Variants in TRAIP observed in about 807,000 individuals in gnomAD.
TRAIP encodes E3 ubiquitin-protein ligase TRAIP.
A neutral mutation model predicts 65.0 loss-of-function variants in TRAIP; 37 were observed. The ratio of observed to expected loss-of-function variants is 0.57; its 90% confidence interval spans 0.44 to 0.75. The LOEUF (loss-of-function observed/expected upper bound fraction) is 0.75, where lower values mean the gene tolerates loss of function less well. Among genes scored for constraint, TRAIP ranks in the 30% least tolerant of loss-of-function variants. TRAIP has a pLI of 0.00. For missense variants in TRAIP, 481 were observed against 579.4 expected (o/e 0.83, Z 1.74); for synonymous variants, 187 against 219.1 (o/e 0.85, Z 1.29).
At chr3:49,840,161 G>A in intron 9 of TRAIP, 123 bp downstream of exon 9, 1 of 902,356 alleles carries the variant, frequency 1.1e-6, no homozygotes, top group Non-Finnish European at 1.7e-6. Context: ...TGACCCAGGA[G>A]GATGCAGGGG....
chr3:49,852,473 C>T (rs900060023), intron 1 of TRAIP, among the ~76,000 whole-genome samples: 23 of 143,240 alleles, frequency 1.6e-4, no homozygotes, highest in African/African-American at 3.9e-4. Context: ...TTGCTCCACA[C>T]GGCCAGGCGC....
intron 1 of TRAIP, among the ~76,000 whole-genome samples, chr3:49,849,799 C>G (rs1290783376): frequency 6.6e-6 from 1 of 151,292 alleles, no homozygotes. Flanking sequence ...TACCATCATC[C>G]TGGCCTCAAA....
chr3:49,841,393 T>C lies in TRAIP; in HGVS notation c.618-321A>G, dbSNP rs141567854. On this transcript the variant is annotated intron_variant, in intron 7 of 14. Coordinates refer to ENST00000331456, the MANE Select transcript of TRAIP (RefSeq NM_005879.3). ...GGACCCTCTATGCCTCTCAGCTAAG[T>C]GGCCCTCCACCCTTCCTGCCAACCT... is the stretch of plus-strand genomic sequence containing the variant. Among the ~76,000 whole-genome samples the C allele has an allele frequency of 3.5e-4, 54 of 152,326 alleles. No individual in the cohort carries two copies. In the East Asian group the frequency reaches 9.3e-3, roughly 26 times the overall value.
chr3:49,853,763 C>T (rs1007843359), intron 1 of TRAIP, among the ~76,000 whole-genome samples: 5 of 152,116 alleles, frequency 3.3e-5, no homozygotes, highest in Admixed American at 6.5e-5. Flanking sequence ...AGGAGAATCA[C>T]GTGAACCCAA....
Position 49,856,493 on chromosome 3 carries a change from G to A in TRAIP, c.-40C>T. On this transcript the variant is annotated 5_prime_UTR_variant, in exon 1 of 15. Transcript: ENST00000331456. ...AGGGGCCCAGGCAGCCAAAGAAACT[G>A]CTACAGGTCCGGCTTCGTAGACGCG... 1 of 1,578,690 alleles carries A rather than the reference G, an allele frequency of 6.3e-7. No homozygotes were observed. The highest frequency in any genetic ancestry group is 8.7e-7 in the Non-Finnish European group (1 of 1,153,856).
At chr3:49,851,180 C>T (rs2081927666) in intron 1 of TRAIP, among the ~76,000 whole-genome samples, 1 of 152,054 alleles carries the variant, frequency 6.6e-6, no homozygotes, top group African/African-American at 2.4e-5. Context: ...CATCATGTTG[C>T]TCAGGCTGTT....
intron 5 of TRAIP, 153 bp downstream of exon 5, chr3:49,843,648 G>A: frequency 9.7e-7 from 1 of 1,027,310 alleles, no homozygotes; most frequent in Non-Finnish European, 1.4e-6. Context: ...AGTATGGAAG[G>A]GCAAGGGGAA....
chr3:49,854,352 A>G (rs190021894), intron 1 of TRAIP, among the ~76,000 whole-genome samples: 1 of 152,338 alleles, frequency 6.6e-6, no homozygotes, highest in Admixed American at 6.5e-5. Context: ...AAAAAATACC[A>G]CACATACACA....
At chr3:49,836,004 C>T (rs1156893708) in intron 10 of TRAIP, among the ~76,000 whole-genome samples, 1 of 151,190 alleles carries the variant, frequency 6.6e-6, no homozygotes, top group Non-Finnish European at 1.5e-5. Context: ...GCTCTGTCAT[C>T]CAGGCTGGAG....
chr3:49,831,903 G>T lies in TRAIP; in HGVS notation c.1037+13C>A. 1 of 1,549,614 alleles carries T rather than the reference G, an allele frequency of 6.5e-7. No individual in the cohort carries two copies. Among genetic ancestry groups the T allele is most frequent in the South Asian group, 1.2e-5 (1 of 81,332 alleles). ...CTACCAGCCCATGGACAGTGCCAGC[G>T]ACTATCACTCACTGTGACTTCTCTA... On this transcript the variant is annotated intron_variant, in intron 11 of 14. Coordinates refer to ENST00000331456, the MANE Select transcript of TRAIP (RefSeq NM_005879.3).
At chr3:49,848,528 C>T (rs1294418141) in intron 1 of TRAIP, among the ~76,000 whole-genome samples, 2 of 152,156 alleles carry the variant, frequency 1.3e-5, no homozygotes, top group African/African-American at 2.4e-5. Flanking sequence ...ATAACACCCC[C>T]ATTTTAAGCT....
intron 10 of TRAIP, among the ~76,000 whole-genome samples, chr3:49,837,607 G>A (rs912012693): frequency 2.1e-4 from 32 of 151,988 alleles, no homozygotes; most frequent in African/African-American, 7.0e-4. Context: ...TGCTTGAGAC[G>A]GAGTCTCTCT....
At chr3:49,841,507 A>T (rs954732969) in intron 7 of TRAIP, among the ~76,000 whole-genome samples, 1 of 152,242 alleles carries the variant, frequency 6.6e-6, no homozygotes, top group Non-Finnish European at 1.5e-5. Flanking sequence ...CTACATATCA[A>T]TCACAATGGG....
chr3:49,844,675 A>C, intron 3 of TRAIP, 95 bp from the exon 4 acceptor site: 6 of 1,423,476 alleles, frequency 4.2e-6, no homozygotes, highest in Non-Finnish European at 5.9e-6. Context: ...AGGATTGAAC[A>C]ATGAGGCCTT....
Position 49,856,495 on chromosome 3 carries a change from T to C in TRAIP, c.-42A>G, listed in dbSNP as rs1195487430. Reference sequence around the variant, plus strand: ...GGGCCCAGGCAGCCAAAGAAACTGCTACAGGTCCGGCTTCGTAGACGCGCC... The same window carrying C: ...GGGCCCAGGCAGCCAAAGAAACTGCCACAGGTCCGGCTTCGTAGACGCGCC... On this transcript the variant is annotated 5_prime_UTR_variant, in exon 1 of 15. Transcript: ENST00000331456. 3.2e-6 allele frequency: 5 copies of C among 1,576,642 alleles called. No individual in the cohort carries two copies. The highest frequency in any genetic ancestry group is 1.1e-5 in the South Asian group (1 of 88,432).
chr3:49,847,405 G>GA, intron 3 of TRAIP, 120 bp downstream of exon 3: 1 of 730,512 alleles, frequency 1.4e-6, no homozygotes, highest in Non-Finnish European at 2.3e-6. Context: ...GAAAAGAAAA[G>GA]AAAAGAAAAG....
rs762630399 is a variant in TRAIP, at chr3:49,830,026, G to A, written c.1080C>T (p.Pro360=). ...TCTTCTAGAAAGCTCTTACCTTCCT[G>A]GGGCCTTTGCATATCTTCTTGGGGA... The part of the protein sequence containing the change: ...QDVPKKICKG[P]RKESQLSLGG... The change falls in exon 12 of 15, where the codon CCC becomes CCT. Residue 360 remains proline (P), a synonymous_variant. Transcript: ENST00000331456. The A allele has an allele frequency of 4.3e-6, 7 of 1,614,162 alleles. No individual in the cohort carries two copies. The highest frequency in any genetic ancestry group is 1.7e-5 in the Admixed American group (1 of 60,022).
intron 10 of TRAIP, among the ~76,000 whole-genome samples, chr3:49,835,205 C>T (rs2081771102): frequency 6.6e-6 from 1 of 151,864 alleles, no homozygotes; most frequent in Non-Finnish European, 1.5e-5. Context: ...AAGACCCTGT[C>T]TCAAAAAAAA....
rs565588856 is a variant in TRAIP at position 49,836,064 on chromosome 3, G to A, written c.884+3708C>T. Among the ~76,000 whole-genome samples, 25 of 151,868 alleles carry A rather than the reference G, an allele frequency of 1.6e-4. No homozygotes were observed. In the South Asian group the frequency reaches 4.4e-3, roughly 27 times the overall value. ...TGCAACCTCCACCTCCCAGATTCAA[G>A]CCATTCTTGTGCATCAGCCTCCCAA... On this transcript the variant is annotated intron_variant, in intron 10 of 14. Transcript: ENST00000331456.
Sources: gnomAD v4.1 joint callset for allele counts (sites outside exome capture counted in the v4.1 genomes callset) on GRCh38, gnomAD v4.1.1 for gene constraint, MANE v1.5 for transcripts, NCBI Gene and HGNC (gene_info 2026-07-23, HGNC 2026-07-21) for gene names.